The following NELL1 variants were observed in gnomAD, a reference collection of about 807,000 sequenced individuals.
NELL1 encodes the protein neural EGFL like 1.
Under a neutral mutation model 107.4 loss-of-function variants are expected in NELL1, and 76 were observed. The observed-to-expected ratio is 0.71, with a 90% CI of 0.59 to 0.86. The LOEUF (loss-of-function observed/expected upper bound fraction) is 0.86, where lower values mean the gene tolerates loss of function less well. Ranked by LOEUF, NELL1 falls within the 40% of genes least tolerant of loss-of-function variation. The pLI, the probability that NELL1 is intolerant of heterozygous loss-of-function variation, is 0.00. For synonymous variants in NELL1, 353 were observed against 341.2 expected (o/e 1.03, Z -0.38); for missense variants, 1,024 against 1,005.5 (o/e 1.02, Z -0.25).
At chr11:20,782,364 G>A (rs759310814) in intron 2 of NELL1, among the ~76,000 whole-genome samples, 14 of 152,152 alleles carry the variant, frequency 9.2e-5, no homozygotes, top group African/African-American at 2.7e-4. Flanking sequence ...TGCTTTCTGC[G>A]ATTCATACCC....
intron 12 of NELL1, among the ~76,000 whole-genome samples, chr11:20,993,585 T>C (rs927333197): frequency 2.0e-5 from 3 of 152,134 alleles, no homozygotes; most frequent in Non-Finnish European, 2.9e-5. Context: ...GACACCAAAG[T>C]CCACGGATGT....
chr11:21,205,013 C>A (rs138492878), intron 13 of NELL1, among the ~76,000 whole-genome samples: 1 of 152,258 alleles, frequency 6.6e-6, no homozygotes, highest in African/African-American at 2.4e-5. Context: ...CCAACATATG[C>A]CAGCCAGAGA....
intron 14 of NELL1, among the ~76,000 whole-genome samples, chr11:21,319,129 A>ATG (rs1491344238): frequency 1.3e-5 from 1 of 75,964 alleles, no homozygotes; most frequent in African/African-American, 4.0e-5. Flanking sequence ...CATCTCAGCA[A>ATG]TATGTGTGTG....
chr11:21,386,706 C>G (rs1851754803), intron 15 of NELL1, among the ~76,000 whole-genome samples: 1 of 151,898 alleles, frequency 6.6e-6, no homozygotes, highest in African/African-American at 2.4e-5. Context: ...TTTCCAGATG[C>G]TTGGTCTCCA....
At chr11:20,909,011 A>G (rs1850067058) in intron 5 of NELL1, among the ~76,000 whole-genome samples, 1 of 152,226 alleles carries the variant, frequency 6.6e-6, no homozygotes, top group African/African-American at 2.4e-5. Context: ...AAAGGAATGA[A>G]GTTCTGATAC....
intron 15 of NELL1, among the ~76,000 whole-genome samples, chr11:21,516,996 G>A (rs1261039691): frequency 1.3e-5 from 2 of 151,942 alleles, no homozygotes; most frequent in African/African-American, 4.8e-5. Context: ...CACCATGTTG[G>A]CCAGGCTGGT....
chr11:21,408,679 C>T (rs537007498), intron 15 of NELL1, among the ~76,000 whole-genome samples: 115 of 152,072 alleles, frequency 7.6e-4, no homozygotes, highest in African/African-American at 2.4e-3. Context: ...TAATTAGATC[C>T]CATTTGTCAA....
chr11:20,824,691 G>C (rs1474303331), intron 3 of NELL1, among the ~76,000 whole-genome samples: 2 of 151,308 alleles, frequency 1.3e-5, no homozygotes, highest in Non-Finnish European at 3.0e-5. Context: ...TTATGCTTTA[G>C]CAAATAGACT....
chr11:21,503,355 A>G (rs1855195965), intron 15 of NELL1, among the ~76,000 whole-genome samples: 2 of 152,228 alleles, frequency 1.3e-5, no homozygotes, highest in African/African-American at 2.4e-5. Context: ...GTTGTAAGCT[A>G]TAAATCATGT....
chr11:20,736,783 C>T (rs893385858), intron 2 of NELL1, among the ~76,000 whole-genome samples: 8 of 145,324 alleles, frequency 5.5e-5, no homozygotes, highest in African/African-American at 1.8e-4. Context: ...GAGACAGAGT[C>T]TTGCTCTGTC....
chr11:20,755,558 TTTTG>T lies in NELL1; in HGVS notation c.185-28118_185-28115del, dbSNP rs1564895081. Reference sequence around the variant, plus strand: ...GGTTTTTGTTTTTTTTTGTTTTTGTTTTTGTTTTTTTTTTTTTGAGACAGAATCT... The same window carrying T: ...GGTTTTTGTTTTTTTTTGTTTTTGTTTTTTTTTTTTTTTGAGACAGAATCT... On this transcript the variant is annotated intron_variant, in intron 2 of 19. Coordinates refer to ENST00000357134, the MANE Select transcript of NELL1 (RefSeq NM_006157.5). Among the ~76,000 whole-genome samples the T allele has an allele frequency of 2.6e-3, 43 of 16,450 alleles. No individual in the cohort carries two copies. In the South Asian group the frequency reaches 0.11, roughly 43 times the overall value. 10.8% of individuals were successfully genotyped at this position (16,450 alleles called of 152,430 possible). A position where few individuals can be genotyped will look rare whatever the true frequency, so the allele number is the denominator to read the frequency against.
At chr11:21,305,888 C>G (rs902303935) in intron 14 of NELL1, among the ~76,000 whole-genome samples, 4 of 151,910 alleles carry the variant, frequency 2.6e-5, no homozygotes, top group Non-Finnish European at 5.9e-5. Flanking sequence ...CCACTACAAT[C>G]AATATCTTTC....
At chr11:20,870,829 G>A (rs1350898573) in intron 4 of NELL1, among the ~76,000 whole-genome samples, 2 of 152,124 alleles carry the variant, frequency 1.3e-5, no homozygotes, top group Admixed American at 1.3e-4. Context: ...AGTCTGACAG[G>A]ACTGATAGCT....
chr11:21,476,411 GAC>G (rs1163853303), intron 15 of NELL1, among the ~76,000 whole-genome samples: 3 of 152,090 alleles, frequency 2.0e-5, no homozygotes, highest in African/African-American at 7.2e-5. Context: ...CCTCTAGAAA[GAC>G]ACACCAGAAA....
chr11:20,845,274 A>G (rs1184589028), intron 3 of NELL1, among the ~76,000 whole-genome samples: 1 of 152,166 alleles, frequency 6.6e-6, no homozygotes, highest in Non-Finnish European at 1.5e-5. Context: ...GATTACCCCA[A>G]TGTAATCACT....
At chr11:20,719,898 A>T (rs1855339409) in intron 2 of NELL1, among the ~76,000 whole-genome samples, 2 of 69,260 alleles carry the variant, frequency 2.9e-5, no homozygotes, top group Non-Finnish European at 8.7e-5. Context: ...TGGAAAAACC[A>T]GACTGTTAGT....
At chr11:21,162,576 C>T (rs1310871282) in intron 13 of NELL1, among the ~76,000 whole-genome samples, 2 of 152,120 alleles carry the variant, frequency 1.3e-5, no homozygotes, top group East Asian at 3.9e-4. Flanking sequence ...GTTCCTATGT[C>T]ATAGAAGAAA....
chr11:20,875,285 A>G (rs1320258149), intron 4 of NELL1, among the ~76,000 whole-genome samples: 1 of 152,104 alleles, frequency 6.6e-6, no homozygotes, highest in African/African-American at 2.4e-5. Flanking sequence ...TTTCCGTGTG[A>G]AATTTCATCT....
At chr11:20,737,870 A>G (rs1996623) in intron 2 of NELL1, among the ~76,000 whole-genome samples, 23,241 of 151,184 alleles carry the variant, frequency 0.15, 1,969 homozygotes, top group East Asian at 0.27. Context: ...TTACCTAGGC[A>G]CTGTGCAATG....
Sources: allele counts gnomAD v4.1 joint callset (sites outside exome capture counted in the v4.1 genomes callset), GRCh38; gene constraint gnomAD v4.1.1; transcripts MANE v1.5; gene names NCBI Gene and HGNC (gene_info 2026-07-23, HGNC 2026-07-21).